The following NEO1 variants were observed in gnomAD, a reference collection of about 807,000 sequenced individuals.
NEO1 encodes the protein neogenin 1.
Under a neutral mutation model 159.7 loss-of-function variants are expected in NEO1, and 63 were observed. The ratio of observed to expected loss-of-function variants is 0.39; its 90% CI spans 0.32 to 0.49. The LOEUF is 0.49. Ranked by LOEUF, NEO1 falls within the 20% of genes least tolerant of loss-of-function variation. NEO1 has a pLI of 0.85. For synonymous variants in NEO1, 633 were observed against 662.0 expected (o/e 0.96, Z 0.67); for missense variants, 1,615 against 1,831.0 (o/e 0.88, Z 2.15).
intron 7 of NEO1, among the ~76,000 whole-genome samples, chr15:73,209,474 G>T (rs189927287): frequency 6.6e-6 from 1 of 152,254 alleles, no homozygotes; most frequent in East Asian, 1.9e-4. Flanking sequence ...TGTTTTATTG[G>T]ACTCTTGTTA....
chr15:73,260,571 G>GTTT, intron 15 of NEO1, 106 bp downstream of exon 15: 1 of 999,088 alleles, frequency 1.0e-6, no homozygotes, highest in African/African-American at 1.6e-5. Context: ...AATAGTACAA[G>GTTT]TAATTTCTGC....
At chr15:73,068,337 C>CAGCCTCCCT (rs55997708) in intron 1 of NEO1, among the ~76,000 whole-genome samples, 1 of 150,754 alleles carries the variant, frequency 6.6e-6, no homozygotes, top group Admixed American at 6.6e-5. Flanking sequence ...TTCTAGTGCC[C>CAGCCTCCCT]AATAGCTGGG....
intron 5 of NEO1, among the ~76,000 whole-genome samples, chr15:73,136,750 C>T (rs1197105261): frequency 2.0e-5 from 3 of 152,066 alleles, no homozygotes; most frequent in Non-Finnish European, 4.4e-5. Flanking sequence ...TTGTTTTTAT[C>T]CCCATTTCCT....
chr15:73,229,450 T>A (rs1258508703), intron 7 of NEO1, among the ~76,000 whole-genome samples: 2 of 144,758 alleles, frequency 1.4e-5, no homozygotes, highest in African/African-American at 5.2e-5. Flanking sequence ...TAGTTTTAGT[T>A]GTTTTTTTTT....
intron 1 of NEO1, among the ~76,000 whole-genome samples, chr15:73,057,379 A>G (rs991914793): frequency 6.6e-6 from 1 of 152,080 alleles, no homozygotes; most frequent in Admixed American, 6.5e-5. Flanking sequence ...CTTTTTTCCA[A>G]ACACTTTATT....
At chr15:73,142,497 G>A (rs1223823260) in intron 5 of NEO1, among the ~76,000 whole-genome samples, 1 of 152,166 alleles carries the variant, frequency 6.6e-6, no homozygotes, top group African/African-American at 2.4e-5. Flanking sequence ...AAAAGCCACA[G>A]GATGGGGCAG....
chr15:73,143,277 A>C (rs1352160689), intron 5 of NEO1: 1 of 157,508 alleles, frequency 6.3e-6, no homozygotes, highest in African/African-American at 2.4e-5. Flanking sequence ...GAGTGGCATG[A>C]TGCCCTGGTG....
At chr15:73,225,999 G>C (rs2038566715) in intron 7 of NEO1, among the ~76,000 whole-genome samples, 1 of 152,066 alleles carries the variant, frequency 6.6e-6, no homozygotes, top group South Asian at 2.1e-4. Flanking sequence ...ATTTTGCTTG[G>C]CTCGCTAAAT....
At chr15:73,135,259 TTCA>T (rs1278812380) in intron 4 of NEO1, among the ~76,000 whole-genome samples, 4 of 152,184 alleles carry the variant, frequency 2.6e-5, no homozygotes, top group Non-Finnish European at 5.9e-5. Context: ...TTGGCCAGTA[TTCA>T]TCAACATCCT....
chr15:73,053,262 C>T (rs2067547694), intron 1 of NEO1, among the ~76,000 whole-genome samples: 1 of 152,170 alleles, frequency 6.6e-6, no homozygotes, highest in Non-Finnish European at 1.5e-5. Context: ...GATTTCCCAG[C>T]TTCCGAAGTC....
At chr15:73,262,082 G>A (rs1241958943) in intron 15 of NEO1, among the ~76,000 whole-genome samples, 1 of 152,040 alleles carries the variant, frequency 6.6e-6, no homozygotes, top group East Asian at 1.9e-4. Flanking sequence ...AGAAAGAAAA[G>A]GAACTTTAAC....
intron 24 of NEO1, chr15:73,288,931 TG>T: frequency 1.0e-5 from 6 of 572,344 alleles, no homozygotes; most frequent in South Asian, 8.5e-5. Context: ...CTGTGAAGTA[TG>T]GTGGGCAGCA....
At chr15:73,279,563 A>C (rs2041595021) in intron 22 of NEO1, among the ~76,000 whole-genome samples, 1 of 151,846 alleles carries the variant, frequency 6.6e-6, no homozygotes, top group Non-Finnish European at 1.5e-5. Flanking sequence ...TGGCCAGACT[A>C]GTCTTGATCT....
intron 1 of NEO1, among the ~76,000 whole-genome samples, chr15:73,091,711 A>G (rs1328748361): frequency 1.3e-5 from 2 of 148,884 alleles, no homozygotes; most frequent in Non-Finnish European, 3.0e-5. Flanking sequence ...CTGCAGGCAT[A>G]CACCACCACA....
At chr15:73,202,771 CTG>C (rs1422548681) in intron 7 of NEO1, among the ~76,000 whole-genome samples, 2 of 152,186 alleles carry the variant, frequency 1.3e-5, no homozygotes, top group African/African-American at 4.8e-5. Flanking sequence ...AACTGAAACT[CTG>C]TGCCCATTCA....
intron 8 of NEO1, among the ~76,000 whole-genome samples, chr15:73,240,080 A>G (rs533209872): frequency 1.5e-4 from 23 of 152,222 alleles, no homozygotes; most frequent in Admixed American, 1.2e-3. Flanking sequence ...ATCCTGCCCA[A>G]TGTCTCAGTA....
At position 73,122,566 on chromosome 15, in the gene NEO1, T is replaced by C; in HGVS notation, c.490T>C (p.Tyr164His). The change falls in exon 3 of 29, where the codon TAT (tyrosine) becomes CAT (histidine). Residue 164 changes from tyrosine to histidine, a missense_variant. Physicochemically the swap from Tyr to His is moderately conservative, Grantham distance 83 (BLOSUM62 2). Coordinates refer to ENST00000261908, the MANE Select transcript of NEO1 (RefSeq NM_002499.4). ...CAGCCAACCAGAACCTTCCTCAGTT[T>C]ATGCTGGGAACAATGCAATTCTGAA... is the stretch of plus-strand genomic sequence containing the variant. Reference protein sequence around the residue: ...FTSQPEPSSVYAGNNAILNCE... With the variant: ...FTSQPEPSSVHAGNNAILNCE... 1.2e-6 allele frequency: 2 copies of C among 1,614,160 alleles called. No individual in the cohort carries two copies. Among genetic ancestry groups the C allele is most frequent in the South Asian group, 2.2e-5 (2 of 91,078 alleles).
At chr15:73,080,849 T>A (rs938715165) in intron 1 of NEO1, among the ~76,000 whole-genome samples, 4 of 151,822 alleles carry the variant, frequency 2.6e-5, no homozygotes, top group Admixed American at 6.6e-5. Flanking sequence ...GCAGCCAAGG[T>A]GGTAAACAAA....
intron 1 of NEO1, among the ~76,000 whole-genome samples, chr15:73,100,404 T>C (rs1036530832): frequency 6.6e-6 from 1 of 151,772 alleles, no homozygotes; most frequent in African/African-American, 2.4e-5. Context: ...GTATAATCTC[T>C]ACTCACTGCA....
Sources: gnomAD v4.1 joint callset for allele counts (sites outside exome capture counted in the v4.1 genomes callset) on GRCh38, gnomAD v4.1.1 for gene constraint, MANE v1.5 for transcripts, NCBI Gene and HGNC (gene_info 2026-07-23, HGNC 2026-07-21) for gene names.